Variants in LRCH1 observed in about 807,000 individuals in gnomAD.
LRCH1 encodes leucine-rich repeat and calponin homology domain-containing protein 1.
In LRCH1, 23 loss-of-function variants were observed where a neutral mutation model predicts 94.9. That is an observed-to-expected ratio of 0.24 (90% CI 0.17 to 0.34). The LOEUF (loss-of-function observed/expected upper bound fraction) is 0.34. Ranked by LOEUF, LRCH1 falls within the 10% of genes least tolerant of loss-of-function variation. The pLI is 1.00. For synonymous variants in LRCH1, 364 were observed against 354.9 expected, an observed-to-expected ratio of 1.03 and a Z score of -0.29; for missense variants, 790 against 945.9, an observed-to-expected ratio of 0.84 and a Z score of 2.16.
chr13:46,610,794 A>G (rs2050739771), intron 1 of LRCH1, among the ~76,000 whole-genome samples: 1 of 152,232 alleles, frequency 6.6e-6, no homozygotes. Context: ...AGCTATAAAC[A>G]TGCGATAACA....
At chr13:46,636,920 T>G (rs919821212) in intron 1 of LRCH1, among the ~76,000 whole-genome samples, 2 of 152,250 alleles carry the variant, frequency 1.3e-5, no homozygotes, top group East Asian at 3.9e-4. Context: ...CTCTTTAGAG[T>G]TGATGTCTTT....
chr13:46,721,116 C>T (rs1274921921), intron 16 of LRCH1, among the ~76,000 whole-genome samples: 2 of 152,138 alleles, frequency 1.3e-5, no homozygotes, highest in Admixed American at 6.5e-5. Context: ...GACACCATTT[C>T]GTTATCCTGA....
intron 1 of LRCH1, among the ~76,000 whole-genome samples, chr13:46,601,387 G>C (rs1347157402): frequency 1.3e-5 from 2 of 152,206 alleles, no homozygotes; most frequent in African/African-American, 2.4e-5. Flanking sequence ...ACTTATGTTT[G>C]AGGCAAATTG....
At chr13:46,687,730 C>A in intron 5 of LRCH1, 122 bp from the exon 6 acceptor site, 1 of 660,974 alleles carries the variant, frequency 1.5e-6, no homozygotes, top group Non-Finnish European at 2.4e-6. Context: ...ATTTAGTGTA[C>A]ATTGGTAGGG....
At chr13:46,562,237 A>G (rs78527934) in intron 1 of LRCH1, among the ~76,000 whole-genome samples, 2,326 of 152,234 alleles carry the variant, frequency 0.015, 28 homozygotes, top group East Asian at 0.057. Context: ...TTTACTTCTC[A>G]GTGTCATCCA....
intron 1 of LRCH1, among the ~76,000 whole-genome samples, chr13:46,614,132 C>T (rs995736474): frequency 6.6e-6 from 1 of 152,042 alleles, no homozygotes; most frequent in Non-Finnish European, 1.5e-5. Context: ...GGCGAGAGTA[C>T]CTAAAATCTA....
intron 1 of LRCH1, among the ~76,000 whole-genome samples, chr13:46,561,020 A>G (rs2050124514): frequency 2.0e-5 from 3 of 152,218 alleles, no homozygotes. Flanking sequence ...AAATGCTTTT[A>G]TAGTCAGATT....
chr13:46,741,352 C>T (rs1283678184), intron 19 of LRCH1, among the ~76,000 whole-genome samples: 2 of 152,180 alleles, frequency 1.3e-5, no homozygotes, highest in Non-Finnish European at 2.9e-5. Context: ...AATATTAAAA[C>T]TGTGTGAAAG....
intron 1 of LRCH1, among the ~76,000 whole-genome samples, chr13:46,605,031 A>C (rs1221877526): frequency 6.6e-6 from 1 of 152,242 alleles, no homozygotes; most frequent in African/African-American, 2.4e-5. Flanking sequence ...CCAGTTCTTA[A>C]AGAAATTGAC....
At chr13:46,600,814 A>G (rs2137981927) in intron 1 of LRCH1, among the ~76,000 whole-genome samples, 1 of 152,336 alleles carries the variant, frequency 6.6e-6, no homozygotes, top group South Asian at 2.1e-4. Flanking sequence ...GGTGTCACAG[A>G]ACTTTGTCGT....
intron 1 of LRCH1, among the ~76,000 whole-genome samples, chr13:46,580,292 T>C (rs994225651): frequency 1.3e-5 from 2 of 152,286 alleles, no homozygotes; most frequent in South Asian, 2.1e-4. Flanking sequence ...AATTCTAAGA[T>C]AGTGAAGAGA....
intron 2 of LRCH1, among the ~76,000 whole-genome samples, chr13:46,667,312 C>T (rs990572724): frequency 1.3e-5 from 2 of 152,120 alleles, no homozygotes; most frequent in African/African-American, 2.4e-5. Context: ...TTTCTGAGCT[C>T]ATCAGGTAGA....
intron 3 of LRCH1, among the ~76,000 whole-genome samples, chr13:46,674,619 A>G (rs1432264558): frequency 1.3e-5 from 2 of 152,246 alleles, no homozygotes; most frequent in African/African-American, 4.8e-5. Context: ...TTGTACGTCT[A>G]TCTGCCTGTG....
intron 1 of LRCH1, among the ~76,000 whole-genome samples, chr13:46,570,405 A>G (rs537384065): frequency 6.6e-6 from 1 of 152,200 alleles, no homozygotes; most frequent in Non-Finnish European, 1.5e-5. Context: ...TCAGATCTCC[A>G]AAAAAATTGA....
At chr13:46,571,563 A>G (rs2050241032) in intron 1 of LRCH1, among the ~76,000 whole-genome samples, 1 of 151,900 alleles carries the variant, frequency 6.6e-6, no homozygotes, top group South Asian at 2.1e-4. Context: ...TGCTGTGAAC[A>G]CTCTCCCAGA....
chr13:46,715,536 ACTGGCTCT>A lies in LRCH1; in HGVS notation c.1655-16_1655-9del. ...CTGGTCCTTGTGCAACTGTACGCGG[ACTGGCTCT>A]CTGGCTCCCCTGCAGACCCAGCCCT... is the stretch of plus-strand genomic sequence containing the variant. On this transcript the variant is annotated splice_polypyrimidine_tract_variant and intron_variant, in intron 15 of 19. Coordinates refer to ENST00000389797, the MANE Select transcript of LRCH1 (RefSeq NM_001164211.2). 2 of 1,394,104 alleles carry A rather than the reference ACTGGCTCT, an allele frequency of 1.4e-6. No individual in the cohort carries two copies. Among genetic ancestry groups the A allele is most frequent in the Non-Finnish European group, 2.0e-6 (2 of 1,016,576 alleles). The allele number at this position is 1,394,104 out of a possible 1,614,324, so 86.4% of individuals were successfully genotyped here.
intron 17 of LRCH1, among the ~76,000 whole-genome samples, chr13:46,728,089 T>C (rs1453654238): frequency 1.3e-5 from 2 of 151,910 alleles, no homozygotes. Flanking sequence ...GCTAATTTTT[T>C]GTATTTTTGG....
intron 2 of LRCH1, among the ~76,000 whole-genome samples, chr13:46,668,729 G>A (rs945345652): frequency 1.4e-3 from 29 of 21,366 alleles, no homozygotes; most frequent in Non-Finnish European, 3.6e-3. Context: ...TGGCGGTGGC[G>A]GGGTGGCGGG....
chr13:46,673,378 T>C (rs2051626924), intron 3 of LRCH1, among the ~76,000 whole-genome samples: 1 of 152,252 alleles, frequency 6.6e-6, no homozygotes. Flanking sequence ...GGGACTGGCC[T>C]TGCTTAAGGT....
Sources: gnomAD v4.1 joint callset for allele counts (sites outside exome capture counted in the v4.1 genomes callset) on GRCh38, gnomAD v4.1.1 for gene constraint, MANE v1.5 for transcripts, NCBI Gene and HGNC (gene_info 2026-07-23, HGNC 2026-07-21) for gene names.